The following AGMO variants were observed in gnomAD, a reference collection of about 807,000 sequenced individuals.
The protein encoded by AGMO is alkylglycerol monooxygenase.
AGMO carries 75 observed loss-of-function variants against 60.2 expected under a neutral mutation model. The observed-to-expected ratio is 1.25, with a 90% CI of 1.03 to 1.51. The LOEUF (loss-of-function observed/expected upper bound fraction) is 1.51, where lower values mean the gene tolerates loss of function less well. Ranked by LOEUF, AGMO falls within the 40% of genes most tolerant of loss-of-function variation. The probability of loss-of-function intolerance (pLI) is 0.00; values close to 1 mark genes in which losing one functional copy is unlikely to be tolerated. For missense variants in AGMO, 763 were observed against 525.5 expected (o/e 1.45, Z -4.42); for synonymous variants, 261 against 177.1 (o/e 1.47, Z -3.76).
At chr7:15,297,485 A>T (rs1784437786) in intron 12 of AGMO, among the ~76,000 whole-genome samples, 1 of 152,192 alleles carries the variant, frequency 6.6e-6, no homozygotes, top group Admixed American at 6.5e-5. Flanking sequence ...AGTGCTTGCC[A>T]AAACATGCAG....
intron 3 of AGMO, among the ~76,000 whole-genome samples, chr7:15,484,420 C>T (rs533108724): frequency 3.9e-5 from 6 of 152,128 alleles, no homozygotes; most frequent in South Asian, 4.2e-4. Context: ...TAATGACTGA[C>T]GGGAGCCATG....
the AGMO span, among the ~76,000 whole-genome samples, chr7:15,166,551 G>A: frequency 6.6e-6 from 1 of 152,112 alleles, no homozygotes; most frequent in South Asian, 2.1e-4. Flanking sequence ...AACAGAGTAG[G>A]AACAGGATCC....
At chr7:15,469,740 G>C (rs1782395918) in intron 3 of AGMO, among the ~76,000 whole-genome samples, 1 of 152,130 alleles carries the variant, frequency 6.6e-6, no homozygotes, top group African/African-American at 2.4e-5. Context: ...AGGAGATAGA[G>C]AATACATAAG....
chr7:15,219,481 G>GA (rs1388237723), intron 12 of AGMO, among the ~76,000 whole-genome samples: 2 of 151,118 alleles, frequency 1.3e-5, no homozygotes, highest in East Asian at 1.9e-4. Flanking sequence ...ATCCAGGAAG[G>GA]AAAAAAAGAC....
intron 12 of AGMO, among the ~76,000 whole-genome samples, chr7:15,354,411 C>CGT (rs199522749): frequency 4.6e-5 from 1 of 21,632 alleles, no homozygotes; most frequent in Non-Finnish European, 7.3e-5. Flanking sequence ...TGTGTACACA[C>CGT]GTGTGTGTAT....
chr7:15,159,101 C>G, the AGMO span, among the ~76,000 whole-genome samples: 1 of 152,012 alleles, frequency 6.6e-6, no homozygotes, highest in Admixed American at 6.6e-5. Context: ...TGATTATATT[C>G]TCTTTGTATT....
chr7:15,370,666 T>C, intron 10 of AGMO, among the ~76,000 whole-genome samples: 1 of 150,218 alleles, frequency 6.7e-6, no homozygotes. Flanking sequence ...TTTTCATGTT[T>C]GTTGGATACT....
intron 5 of AGMO, among the ~76,000 whole-genome samples, chr7:15,418,243 T>C (rs968374292): frequency 2.0e-5 from 3 of 152,022 alleles, no homozygotes; most frequent in Non-Finnish European, 4.4e-5. Context: ...TGAAATGAAT[T>C]TCAACATCTC....
intron 3 of AGMO, among the ~76,000 whole-genome samples, chr7:15,536,126 C>G (rs1583661149): frequency 6.6e-6 from 1 of 151,802 alleles, no homozygotes. Flanking sequence ...ATCTGACAGT[C>G]ACTCCCCTAA....
chr7:15,286,842 G>A (rs1046155025), intron 12 of AGMO, among the ~76,000 whole-genome samples: 33 of 152,260 alleles, frequency 2.2e-4, no homozygotes, highest in African/African-American at 6.5e-4. Context: ...ATCAACCAAT[G>A]AGTGGATAAA....
intron 3 of AGMO, among the ~76,000 whole-genome samples, chr7:15,434,602 A>T (rs1381220678): frequency 6.6e-6 from 1 of 152,106 alleles, no homozygotes; most frequent in African/African-American, 2.4e-5. Context: ...TGAAGAACTG[A>T]ATTCTGCCAA....
chr7:15,213,789 C>T (rs2128494656), intron 12 of AGMO, among the ~76,000 whole-genome samples: 1 of 151,918 alleles, frequency 6.6e-6, no homozygotes, highest in East Asian at 1.9e-4. Flanking sequence ...TGGATATTGC[C>T]AAAGGTATGG....
At chr7:15,358,478 G>A (rs868864802) in intron 12 of AGMO, 21 of 467,450 alleles carry the variant, frequency 4.5e-5, no homozygotes, top group Middle Eastern at 6.5e-4. Context: ...ATTAATGTTG[G>A]TACTCCGTGA....
rs1781429922 is a variant in AGMO, at chr7:15,205,982, T to A, written c.1264-4623A>T. Among the ~76,000 whole-genome samples, 3 of 152,112 alleles carry A rather than the reference T, an allele frequency of 2.0e-5. No homozygotes were observed. In the South Asian group the frequency reaches 6.2e-4, roughly 31 times the overall value. ...AAACACATTAAATATGGAGTACTTT[T>A]TTCCTAAATTATTTAAAGAAAACTA... is the stretch of plus-strand genomic sequence containing the variant. On this transcript the variant is annotated intron_variant, in intron 12 of 12. Coordinates refer to ENST00000342526, the MANE Select transcript of AGMO (RefSeq NM_001004320.2).
At chr7:15,391,322 T>C (rs2128485422) in intron 6 of AGMO, among the ~76,000 whole-genome samples, 1 of 152,208 alleles carries the variant, frequency 6.6e-6, no homozygotes, top group Non-Finnish European at 1.5e-5. Context: ...CCTTTTTAAC[T>C]GCATCTGTTT....
At chr7:15,468,211 C>T (rs1044457582) in intron 3 of AGMO, among the ~76,000 whole-genome samples, 11 of 152,186 alleles carry the variant, frequency 7.2e-5, no homozygotes, top group Non-Finnish European at 1.3e-4. Context: ...GTAGCTGTTA[C>T]ATCCCTTGTA....
intron 5 of AGMO, chr7:15,396,492 C>G (rs575028876): frequency 2.6e-5 from 4 of 152,330 alleles, no homozygotes; most frequent in East Asian, 1.9e-4. Flanking sequence ...GGCAGGGACC[C>G]AAAGAACGAG....
chr7:15,528,735 G>A (rs1450405054), intron 3 of AGMO, among the ~76,000 whole-genome samples: 4 of 151,940 alleles, frequency 2.6e-5, no homozygotes, highest in South Asian at 2.1e-4. Context: ...CGCAACCTCC[G>A]CCTCCTAGGT....
At chr7:15,348,374 T>C in intron 12 of AGMO, among the ~76,000 whole-genome samples, 1 of 151,994 alleles carries the variant, frequency 6.6e-6, no homozygotes, top group East Asian at 1.9e-4. Flanking sequence ...GAATGATCGA[T>C]GAAACTGTTT....
Sources: gnomAD v4.1 joint callset for allele counts (sites outside exome capture counted in the v4.1 genomes callset) on GRCh38, gnomAD v4.1.1 for gene constraint, MANE v1.5 for transcripts, NCBI Gene and HGNC (gene_info 2026-07-23, HGNC 2026-07-21) for gene names.